LOXHD1: variants seen among roughly 807,000 people sequenced by gnomAD.
LOXHD1 encodes lipoxygenase homology PLAT domains 1.
Under a neutral mutation model 248.2 loss-of-function variants are expected in LOXHD1, and 205 were observed. That is an observed-to-expected ratio of 0.83 (90% confidence interval 0.74 to 0.93). The LOEUF is 0.93. LOXHD1 is among the 40% of genes least tolerant of loss of function. LOXHD1 has a pLI of 0.00. For missense variants in LOXHD1, 2,930 were observed against 2,971.6 expected (o/e 0.99, Z 0.33); for synonymous variants, 1,113 against 1,162.8 (o/e 0.96, Z 0.87).
At chr18:46,594,223 G>A in intron 9 of LOXHD1, 108 bp downstream of exon 9, 1 of 1,390,622 alleles carries the variant, frequency 7.2e-7, no homozygotes, top group Non-Finnish European at 9.7e-7. Flanking sequence ...GAGGAGACTT[G>A]AGAAGCAGGA....
At chr18:46,572,839 C>G (rs557608818) in intron 14 of LOXHD1, among the ~76,000 whole-genome samples, 20 of 151,790 alleles carry the variant, frequency 1.3e-4, no homozygotes, top group African/African-American at 4.8e-4. Flanking sequence ...CTGGCTAACA[C>G]AGTGAAACCC....
chr18:46,621,285 C>G (rs766323428), intron 4 of LOXHD1, among the ~76,000 whole-genome samples: 56 of 152,182 alleles, frequency 3.7e-4, no homozygotes, highest in Non-Finnish European at 7.9e-4. Context: ...CCTCACGAAA[C>G]CATTTTTTAG....
At chr18:46,575,770 T>C (rs942084897) in intron 14 of LOXHD1, among the ~76,000 whole-genome samples, 2 of 152,156 alleles carry the variant, frequency 1.3e-5, no homozygotes, top group African/African-American at 4.8e-5. Context: ...GTCTGTGCAC[T>C]TTGTTACAGC....
intron 23 of LOXHD1, among the ~76,000 whole-genome samples, chr18:46,543,517 A>T (rs986999691): frequency 1.3e-5 from 2 of 152,058 alleles, no homozygotes; most frequent in African/African-American, 4.8e-5. Flanking sequence ...TGCTGCACCC[A>T]TCAACCCATC....
intron 24 of LOXHD1, 129 bp from the exon 25 acceptor site, chr18:46,542,069 G>T: frequency 1.2e-6 from 1 of 845,688 alleles, no homozygotes; most frequent in Non-Finnish European, 1.8e-6. Context: ...CATCCCTTTT[G>T]CTTGCAGCAT....
At chr18:46,586,726 G>T (rs1243708148) in intron 12 of LOXHD1, among the ~76,000 whole-genome samples, 1 of 152,180 alleles carries the variant, frequency 6.6e-6, no homozygotes, top group East Asian at 1.9e-4. Context: ...AGGATTACAG[G>T]CATGAGCCAC....
At chr18:46,479,880 CA>C in intron 40 of LOXHD1, among the ~76,000 whole-genome samples, 1 of 152,116 alleles carries the variant, frequency 6.6e-6, no homozygotes, top group Non-Finnish European at 1.5e-5. Flanking sequence ...ATCATCCTCC[CA>C]TTTCATAGGA....
At chr18:46,625,883 C>T (rs1253777147) in intron 4 of LOXHD1, among the ~76,000 whole-genome samples, 2 of 152,162 alleles carry the variant, frequency 1.3e-5, no homozygotes, top group South Asian at 2.1e-4. Flanking sequence ...CTGCACATTT[C>T]GATAACCTTG....
intron 6 of LOXHD1, among the ~76,000 whole-genome samples, chr18:46,607,565 T>C (rs2038436904): frequency 6.6e-6 from 1 of 151,908 alleles, no homozygotes; most frequent in African/African-American, 2.4e-5. Flanking sequence ...TTTTGGGTGG[T>C]AAAATTATGA....
intron 5 of LOXHD1, among the ~76,000 whole-genome samples, chr18:46,616,053 C>G (rs901502047): frequency 6.6e-6 from 1 of 152,014 alleles, no homozygotes. Flanking sequence ...TTATTTCATC[C>G]CATTTATTCT....
At chr18:46,503,280 C>T (rs2034349244) in intron 37 of LOXHD1, among the ~76,000 whole-genome samples, 2 of 152,116 alleles carry the variant, frequency 1.3e-5, no homozygotes, top group South Asian at 2.1e-4. Flanking sequence ...ACAGGAGAGA[C>T]TGTAGACAAG....
At chr18:46,574,654 T>C (rs11082542) in intron 14 of LOXHD1, among the ~76,000 whole-genome samples, 14,814 of 151,740 alleles carry the variant, frequency 0.098, 914 homozygotes, top group African/African-American at 0.17. Context: ...TGTTAAGTGT[T>C]TGGGGGCAGG....
At chr18:46,552,477 C>T (rs1039630863) in intron 21 of LOXHD1, among the ~76,000 whole-genome samples, 27 of 152,288 alleles carry the variant, frequency 1.8e-4, no homozygotes, top group African/African-American at 6.5e-4. Context: ...CCATCTTAGG[C>T]TTCTCTGCTC....
At position 46,559,461 on chromosome 18, in the gene LOXHD1, A is replaced by C. The variant is rs2037461921; in HGVS notation, c.3203T>G (p.Phe1068Cys). 1 of 1,551,786 alleles carries C rather than the reference A, an allele frequency of 6.4e-7. No homozygotes were observed. The highest frequency in any genetic ancestry group is 2.0e-5 in the Admixed American group (1 of 50,960). Residue 1068 changes from phenylalanine (F) to cysteine (C), a missense_variant, in exon 20 of 41, where the codon TTT becomes TGT. Phe to Cys is a radical substitution (Grantham distance 205, BLOSUM62 -2). Transcript: ENST00000642948. ...CCCTCACCCTACCTGCCCCTGCTCA[A>C]ATTTGTTGGACTTGTCTGACTTCTT... The part of the protein sequence containing the change: ...PLKKSDKSNK[F>C]EQGQTDTFTI...
At chr18:46,531,548 G>A (rs1162900005) in intron 28 of LOXHD1, among the ~76,000 whole-genome samples, 1 of 151,402 alleles carries the variant, frequency 6.6e-6, no homozygotes, top group Non-Finnish European at 1.5e-5. Flanking sequence ...TGTCCCCAGG[G>A]GCTGGGATGA....
At chr18:46,562,190 A>G (rs1309354186) in intron 18 of LOXHD1, among the ~76,000 whole-genome samples, 1 of 152,178 alleles carries the variant, frequency 6.6e-6, no homozygotes, top group Admixed American at 6.5e-5. Flanking sequence ...GTCTGGCTCA[A>G]TGAGGCTCCT....
intron 14 of LOXHD1, among the ~76,000 whole-genome samples, chr18:46,575,664 C>A (rs958019672): frequency 5.3e-5 from 8 of 152,156 alleles, no homozygotes; most frequent in Middle Eastern, 3.2e-3. Flanking sequence ...CCTTCCCTAG[C>A]GCCTTCTGAG....
downstream of LOXHD1, chr18:46,477,252 T>C (rs773224239): frequency 2.6e-6 from 2 of 759,250 alleles, no homozygotes; most frequent in Non-Finnish European, 4.7e-6. Flanking sequence ...ATACAAAAAA[T>C]TATTTTTGGG....
rs200641562 is a variant in LOXHD1, at chr18:46,549,717, AC to A, written c.3351-2660del. Reference sequence around the variant, plus strand: ...AAAAAATTTAATAACTTTTTGTTCAACCCTTTCTGGAAATCCCACCCAACAT... The same window carrying A: ...AAAAAATTTAATAACTTTTTGTTCAACCTTTCTGGAAATCCCACCCAACAT... On this transcript the variant is annotated intron_variant, in intron 21 of 40. Transcript: ENST00000642948. Among the ~76,000 whole-genome samples, 388 of 152,334 alleles carry A rather than the reference AC, an allele frequency of 2.5e-3. 8 individuals carry two copies. The highest frequency in any genetic ancestry group is 0.018 in the Admixed American group (268 of 15,300).
Sources: allele counts gnomAD v4.1 joint callset (sites outside exome capture counted in the v4.1 genomes callset), GRCh38; gene constraint gnomAD v4.1.1; transcripts MANE v1.5; gene names NCBI Gene and HGNC (gene_info 2026-07-23, HGNC 2026-07-21).